Variants in ALK observed in about 807,000 individuals in gnomAD.
The protein encoded by ALK is ALK tyrosine kinase receptor.
ALK carries 74 observed loss-of-function variants against 163.1 expected under a neutral mutation model. The ratio of observed to expected loss-of-function variants is 0.45; its 90% confidence interval spans 0.38 to 0.55. ALK has a LOEUF of 0.55. Among genes scored for constraint, ALK ranks in the 20% least tolerant of loss-of-function variants. The pLI is 0.00. For synonymous variants in ALK, 960 were observed against 843.2 expected, an observed-to-expected ratio of 1.14 and a Z score of -2.40; for missense variants, 2,063 against 2,105.3, an observed-to-expected ratio of 0.98 and a Z score of 0.39.
chr2:29,863,605 C>CA (rs1021030762), intron 1 of ALK, among the ~76,000 whole-genome samples: 5 of 151,610 alleles, frequency 3.3e-5, no homozygotes, highest in Admixed American at 3.3e-4. Context: ...TGGCTATTAT[C>CA]AAAAAATAAA....
intron 15 of ALK, among the ~76,000 whole-genome samples, chr2:29,229,586 T>G (rs1047552140): frequency 6.6e-6 from 1 of 152,178 alleles, no homozygotes; most frequent in African/African-American, 2.4e-5. Flanking sequence ...CCCGTTGCTG[T>G]CTGTGAAACC....
chr2:29,206,300 C>CT (rs901696191), intron 26 of ALK, among the ~76,000 whole-genome samples: 6 of 151,228 alleles, frequency 4.0e-5, no homozygotes, highest in African/African-American at 1.2e-4. Context: ...CTCTCTCCCC[C>CT]TCTCTTGCTT....
chr2:29,776,846 C>T (rs770903316), intron 1 of ALK, among the ~76,000 whole-genome samples: 8 of 152,060 alleles, frequency 5.3e-5, no homozygotes, highest in Non-Finnish European at 8.8e-5. Context: ...GCCCAAACCC[C>T]AAGTCTTAGT....
At chr2:29,650,066 A>G (rs1367552151) in intron 3 of ALK, among the ~76,000 whole-genome samples, 1 of 152,214 alleles carries the variant, frequency 6.6e-6, no homozygotes, top group African/African-American at 2.4e-5. Context: ...CCAGAGTTTC[A>G]GACCCCTGAC....
chr2:29,868,282 G>A (rs1307326289), intron 1 of ALK, among the ~76,000 whole-genome samples: 1 of 152,214 alleles, frequency 6.6e-6, no homozygotes, highest in Non-Finnish European at 1.5e-5. Flanking sequence ...TCATTTATTT[G>A]TTCAATTATT....
At chr2:29,718,934 C>G (rs1232867747) in intron 1 of ALK, among the ~76,000 whole-genome samples, 1 of 152,230 alleles carries the variant, frequency 6.6e-6, no homozygotes, top group Non-Finnish European at 1.5e-5. Context: ...TCTGCCTGCT[C>G]TGCAGTTTCT....
chr2:29,660,275 G>A (rs1467580340), intron 3 of ALK, among the ~76,000 whole-genome samples: 1 of 152,158 alleles, frequency 6.6e-6, no homozygotes, highest in Non-Finnish European at 1.5e-5. Flanking sequence ...TGCAGTAACA[G>A]CTCTACTGTG....
At chr2:29,569,814 G>C (rs1472648434) in intron 3 of ALK, among the ~76,000 whole-genome samples, 1 of 152,154 alleles carries the variant, frequency 6.6e-6, no homozygotes, top group Non-Finnish European at 1.5e-5. Flanking sequence ...TTCTTCAGGG[G>C]TCCCTGGAAC....
chr2:29,590,636 T>C (rs952666504), intron 3 of ALK, among the ~76,000 whole-genome samples: 1 of 152,152 alleles, frequency 6.6e-6, no homozygotes, highest in Non-Finnish European at 1.5e-5. Context: ...GAGGTCACTT[T>C]AGCCAGAATC....
chr2:29,552,126 A>G (rs12104969), intron 3 of ALK, among the ~76,000 whole-genome samples: 24,272 of 152,146 alleles, frequency 0.16, 2,288 homozygotes, highest in South Asian at 0.23. Flanking sequence ...TTGCCCTTTC[A>G]GGTCTGGTTT....
chr2:29,767,694 C>G (rs1002271322), intron 1 of ALK, among the ~76,000 whole-genome samples: 1 of 152,128 alleles, frequency 6.6e-6, no homozygotes, highest in Admixed American at 6.5e-5. Flanking sequence ...AGAGACAGAC[C>G]CCAGCTGGAC....
intron 3 of ALK, among the ~76,000 whole-genome samples, chr2:29,544,529 T>C (rs1402019888): frequency 3.3e-5 from 5 of 152,146 alleles, no homozygotes; most frequent in African/African-American, 1.2e-4. Flanking sequence ...AATCTATTTC[T>C]GCTGCAAAGA....
At chr2:29,440,489 G>A (rs1373305278) in intron 4 of ALK, among the ~76,000 whole-genome samples, 1 of 151,814 alleles carries the variant, frequency 6.6e-6, no homozygotes, top group East Asian at 2.0e-4. Context: ...GCTAATTTTT[G>A]TATTTTTAGT....
intron 4 of ALK, among the ~76,000 whole-genome samples, chr2:29,412,833 G>C (rs1430750075): frequency 6.6e-6 from 1 of 152,212 alleles, no homozygotes; most frequent in Non-Finnish European, 1.5e-5. Context: ...CCATGGTGCT[G>C]AGAGGGATAC....
At chr2:29,392,489 C>T (rs914136998) in intron 4 of ALK, among the ~76,000 whole-genome samples, 4 of 152,176 alleles carry the variant, frequency 2.6e-5, no homozygotes, top group Non-Finnish European at 5.9e-5. Context: ...GATATTTTGG[C>T]CCCTTTCATT....
chr2:29,423,419 C>G (rs1472561662), intron 4 of ALK, among the ~76,000 whole-genome samples: 1 of 152,210 alleles, frequency 6.6e-6, no homozygotes, highest in East Asian at 1.9e-4. Context: ...CTCATTGCAG[C>G]AGACAGTGTC....
intron 3 of ALK, among the ~76,000 whole-genome samples, chr2:29,620,610 G>C (rs925060889): frequency 6.6e-5 from 10 of 152,010 alleles, no homozygotes; most frequent in Admixed American, 3.9e-4. Context: ...CAGCTGCATG[G>C]CACTACGTAA....
intron 1 of ALK, among the ~76,000 whole-genome samples, chr2:29,732,054 A>T (rs1350434035): frequency 6.6e-6 from 1 of 152,218 alleles, no homozygotes; most frequent in African/African-American, 2.4e-5. Flanking sequence ...AGACTTCTGG[A>T]ATCCTCATCT....
chr2:29,233,453 T>G (rs1163936416), intron 14 of ALK, 112 bp downstream of exon 14: 1 of 1,523,284 alleles, frequency 6.6e-7, no homozygotes, highest in South Asian at 1.1e-5. Context: ...GCCCTGCTCA[T>G]CTTTACACGG....
Sources: allele counts gnomAD v4.1 joint callset (sites outside exome capture counted in the v4.1 genomes callset), GRCh38; gene constraint gnomAD v4.1.1; transcripts MANE v1.5; gene names NCBI Gene and HGNC (gene_info 2026-07-23, HGNC 2026-07-21).